Variants in CDC42BPA observed in about 807,000 individuals in gnomAD.
CDC42BPA encodes serine/threonine-protein kinase MRCK alpha.
Under a neutral mutation model 223.5 loss-of-function variants are expected in CDC42BPA, and 80 were observed. The observed-to-expected ratio is 0.36, with a 90% CI of 0.30 to 0.43. The LOEUF (loss-of-function observed/expected upper bound fraction) is 0.43. CDC42BPA is among the 20% of genes least tolerant of loss of function. CDC42BPA has a pLI of 1.00. For synonymous variants in CDC42BPA, 694 were observed against 718.6 expected (o/e 0.97, Z 0.55); for missense variants, 1,743 against 2,099.9 (o/e 0.83, Z 3.32).
intron 11 of CDC42BPA, 122 bp from the exon 12 acceptor site, chr1:227,120,059 T>C (rs1688387479): frequency 3.1e-6 from 2 of 640,176 alleles, no homozygotes; most frequent in South Asian, 2.3e-5. Flanking sequence ...GATCTGACAG[T>C]GTATACCAGT....
chr1:227,150,155 T>C (rs1024062162), intron 6 of CDC42BPA, among the ~76,000 whole-genome samples: 1 of 150,434 alleles, frequency 6.6e-6, no homozygotes, highest in African/African-American at 2.4e-5. Flanking sequence ...GCCTGGGAAG[T>C]TGAGGTTGCA....
Position 227,002,839 on chromosome 1 carries a change from T to C in CDC42BPA, c.4975+2155A>G, listed in dbSNP as rs141511808. On this transcript the variant is annotated intron_variant, in intron 35 of 36. Transcript: ENST00000366766. ...TCACAGCTGAGTCTTGAGGTGACTG[T>C]GGCCCCAGCAGACAGCTCAACTGCA... 5.3e-4 allele frequency among the ~76,000 whole-genome samples: 80 copies of C among 152,308 alleles called. No individual in the cohort carries two copies. In the East Asian group the frequency reaches 0.014, roughly 28 times the overall value.
rs372665560 is a variant in CDC42BPA at position 227,207,351 on chromosome 1, C to CT, written c.354+5784dup. ...TTTTACTGGCATATCTTTTTTTCAT[C>CT]TTTTTTTTTCTTTTTCTTTTTTTTT... is the stretch of plus-strand genomic sequence containing the variant. On this transcript the variant is annotated intron_variant, in intron 3 of 36. Transcript: ENST00000366766. Among the ~76,000 whole-genome samples, 118 of 136,304 alleles carry CT rather than the reference C, an allele frequency of 8.7e-4. 2 individuals carry two copies. In the East Asian group the frequency reaches 0.026, roughly 30 times the overall value. 89.4% of individuals were successfully genotyped at this position (136,304 alleles called of 152,430 possible).
At chr1:227,251,189 T>C (rs898447480) in intron 2 of CDC42BPA, among the ~76,000 whole-genome samples, 4 of 151,798 alleles carry the variant, frequency 2.6e-5, no homozygotes, top group South Asian at 2.1e-4. Flanking sequence ...AATATATATG[T>C]TGGGGTTTCA....
intron 17 of CDC42BPA, among the ~76,000 whole-genome samples, chr1:227,075,462 T>G (rs1679270230): frequency 6.6e-6 from 1 of 152,170 alleles, no homozygotes; most frequent in Non-Finnish European, 1.5e-5. Flanking sequence ...GATGGGAGAT[T>G]GTCTTTGGAG....
chr1:227,155,972 G>A (rs536100626), intron 6 of CDC42BPA, among the ~76,000 whole-genome samples: 3 of 152,100 alleles, frequency 2.0e-5, no homozygotes, highest in African/African-American at 7.2e-5. Context: ...CACAAATATG[G>A]TTATGGGAAA....
At chr1:227,287,125 T>C (rs1331679526) in intron 1 of CDC42BPA, among the ~76,000 whole-genome samples, 2 of 152,222 alleles carry the variant, frequency 1.3e-5, no homozygotes, top group Non-Finnish European at 2.9e-5. Flanking sequence ...CAATGCTTGC[T>C]GATAAAAGTC....
chr1:227,269,512 GAAGA>G (rs1308196006), intron 1 of CDC42BPA, among the ~76,000 whole-genome samples: 8 of 151,928 alleles, frequency 5.3e-5, no homozygotes, highest in African/African-American at 1.9e-4. Flanking sequence ...ATAATAAAAA[GAAGA>G]TTTATCTATA....
At chr1:227,093,119 G>A (rs912100552) in intron 15 of CDC42BPA, among the ~76,000 whole-genome samples, 1 of 152,088 alleles carries the variant, frequency 6.6e-6, no homozygotes, top group African/African-American at 2.4e-5. Flanking sequence ...AATTTTCCTT[G>A]GTCTAGAACA....
At chr1:227,017,729 C>A (rs1443225041) in intron 32 of CDC42BPA, among the ~76,000 whole-genome samples, 1 of 151,940 alleles carries the variant, frequency 6.6e-6, no homozygotes, top group Non-Finnish European at 1.5e-5. Context: ...TAGAAGTAAA[C>A]AAAACTGTCT....
intron 3 of CDC42BPA, among the ~76,000 whole-genome samples, chr1:227,209,147 GCT>G (rs1244530509): frequency 1.5e-5 from 2 of 135,122 alleles, no homozygotes; most frequent in East Asian, 2.1e-4. Flanking sequence ...TCATGATTTG[GCT>G]CTCTGTTTGT....
At chr1:227,213,724 T>C (rs1674343825) in intron 2 of CDC42BPA, among the ~76,000 whole-genome samples, 1 of 152,074 alleles carries the variant, frequency 6.6e-6, no homozygotes, top group South Asian at 2.1e-4. Flanking sequence ...TCATATCACA[T>C]ACTCTTACAT....
At chr1:227,047,024 A>G (rs1224556495) in intron 23 of CDC42BPA, among the ~76,000 whole-genome samples, 1 of 152,010 alleles carries the variant, frequency 6.6e-6, no homozygotes, top group Non-Finnish European at 1.5e-5. Flanking sequence ...CCTTTAGTTT[A>G]CTAGAGTGTT....
chr1:227,195,293 A>C (rs1360712663), intron 4 of CDC42BPA, among the ~76,000 whole-genome samples: 1 of 152,118 alleles, frequency 6.6e-6, no homozygotes, highest in Admixed American at 6.5e-5. Context: ...TCCTGGGTTC[A>C]AGTGATTCTC....
chr1:227,044,920 T>C (rs999620387), intron 23 of CDC42BPA, among the ~76,000 whole-genome samples: 2 of 152,158 alleles, frequency 1.3e-5, no homozygotes, highest in African/African-American at 4.8e-5. Flanking sequence ...TCACTAAATC[T>C]TCCAGACTCT....
At chr1:227,200,437 C>G (rs28492854) in intron 3 of CDC42BPA, among the ~76,000 whole-genome samples, 10 of 82,732 alleles carry the variant, frequency 1.2e-4, no homozygotes, top group Non-Finnish European at 2.3e-4. Flanking sequence ...CCTTAAAAAA[C>G]AAACAAACAA....
At chr1:227,285,709 A>G (rs908462065) in intron 1 of CDC42BPA, among the ~76,000 whole-genome samples, 6 of 152,218 alleles carry the variant, frequency 3.9e-5, no homozygotes, top group African/African-American at 1.4e-4. Flanking sequence ...ATGAGAATAA[A>G]ATCCACAAAA....
chr1:227,042,903 A>AT (rs1671679603), intron 23 of CDC42BPA, among the ~76,000 whole-genome samples: 2 of 152,262 alleles, frequency 1.3e-5, no homozygotes, highest in African/African-American at 4.8e-5. Flanking sequence ...TTCTACTCTG[A>AT]TTTTTTCTGT....
At chr1:227,100,188 A>AT (rs1428387815) in intron 15 of CDC42BPA, among the ~76,000 whole-genome samples, 2 of 152,252 alleles carry the variant, frequency 1.3e-5, no homozygotes, top group East Asian at 3.9e-4. Flanking sequence ...TCTTCTTAGT[A>AT]GATGGAATCC....
Sources: gnomAD v4.1 joint callset for allele counts (sites outside exome capture counted in the v4.1 genomes callset) on GRCh38, gnomAD v4.1.1 for gene constraint, MANE v1.5 for transcripts, NCBI Gene and HGNC (gene_info 2026-07-23, HGNC 2026-07-21) for gene names.